The following IL23R variants were observed in gnomAD, a reference collection of about 807,000 sequenced individuals.
IL23R encodes interleukin 23 receptor.
In IL23R, 34 loss-of-function variants were observed where a neutral mutation model predicts 56.9. That is an observed-to-expected ratio of 0.60 (90% CI 0.45 to 0.80). The LOEUF (loss-of-function observed/expected upper bound fraction) is 0.80. Ranked by LOEUF, IL23R falls within the 30% of genes least tolerant of loss-of-function variation. IL23R has a pLI of 0.00. For missense variants in IL23R, 635 were observed against 730.0 expected, an observed-to-expected ratio of 0.87 and a Z score of 1.50; for synonymous variants, 230 against 249.2, an observed-to-expected ratio of 0.92 and a Z score of 0.73.
At chr1:67,262,458 C>T (rs1653226132), downstream of IL23R, among the ~76,000 whole-genome samples, 1 of 152,108 alleles carries the variant, frequency 6.6e-6, no homozygotes, top group South Asian at 2.1e-4. Context: ...CAGGAAAGAC[C>T]ACTCCCAGGA....
chr1:67,174,229 A>G (rs551551252), intron 3 of IL23R, among the ~76,000 whole-genome samples: 16 of 151,870 alleles, frequency 1.1e-4, no homozygotes, highest in Non-Finnish European at 2.1e-4. Context: ...TGTGATATGT[A>G]AAGTGCTCTC....
chr1:67,149,625 G>A (rs1646710865), intron 1 of IL23R, among the ~76,000 whole-genome samples: 1 of 152,088 alleles, frequency 6.6e-6, no homozygotes, highest in Non-Finnish European at 1.5e-5. Context: ...AAATCCCTGA[G>A]TGAGAACTAG....
At chr1:67,262,036 C>T (rs1478081794), downstream of IL23R, among the ~76,000 whole-genome samples, 2 of 152,204 alleles carry the variant, frequency 1.3e-5, no homozygotes, top group African/African-American at 4.8e-5. Flanking sequence ...AGCAATGTAC[C>T]TGCCTTTGTC....
rs202113325 is a variant in IL23R, at chr1:67,234,866, C to G, written c.956-1847C>G. Among the ~76,000 whole-genome samples the G allele has an allele frequency of 3.0e-4, 45 of 152,038 alleles. 1 individual carries two copies. In the East Asian group the frequency reaches 6.0e-3, roughly 20 times the overall value. ...GGGACTATAGGCACCTGCCACCATG[C>G]CTGGCTAATTTTTGTATTTTTAGTA... On this transcript the variant is annotated intron_variant, in intron 7 of 10. Coordinates refer to ENST00000347310, the MANE Select transcript of IL23R (RefSeq NM_144701.3).
intron 1 of IL23R, among the ~76,000 whole-genome samples, chr1:67,145,048 G>T (rs954469844): frequency 6.6e-6 from 1 of 152,124 alleles, no homozygotes; most frequent in African/African-American, 2.4e-5. Flanking sequence ...ATACTGAATT[G>T]TTTAAATATG....
chr1:67,157,195 C>A (rs1231351342), intron 1 of IL23R, among the ~76,000 whole-genome samples: 1 of 152,202 alleles, frequency 6.6e-6, no homozygotes, highest in Non-Finnish European at 1.5e-5. Flanking sequence ...CACCCGCCTT[C>A]TGCATTGGTC....
chr1:67,166,195 A>G (rs570840893), upstream of IL23R, among the ~76,000 whole-genome samples: 6 of 152,342 alleles, frequency 3.9e-5, no homozygotes, highest in African/African-American at 1.4e-4. Flanking sequence ...TGGTGTCAAA[A>G]TGTTTGACAT....
chr1:67,183,329 GT>G (rs1416848697), intron 4 of IL23R, among the ~76,000 whole-genome samples: 1 of 152,214 alleles, frequency 6.6e-6, no homozygotes, highest in Non-Finnish European at 1.5e-5. Context: ...GAGGTCAGGA[GT>G]TTGAGACCAG....
chr1:67,221,364 A>G (rs192370284), intron 7 of IL23R, among the ~76,000 whole-genome samples: 1 of 152,314 alleles, frequency 6.6e-6, no homozygotes, highest in Non-Finnish European at 1.5e-5. Flanking sequence ...GAGACACAAA[A>G]CAATCATATC....
chr1:67,139,880 A>T (rs1412633189), intron 1 of IL23R, among the ~76,000 whole-genome samples: 1 of 152,184 alleles, frequency 6.6e-6, no homozygotes, highest in Admixed American at 6.5e-5. Flanking sequence ...ATAAGGGCAG[A>T]GCCCTTATGA....
chr1:67,140,216 A>C (rs1646623449), intron 1 of IL23R, among the ~76,000 whole-genome samples: 1 of 152,262 alleles, frequency 6.6e-6, no homozygotes, highest in African/African-American at 2.4e-5. Flanking sequence ...CTTACTATGC[A>C]TGCAAAAGCA....
At chr1:67,167,014 T>TA (rs1488701314) in intron 1 of IL23R, among the ~76,000 whole-genome samples, 2 of 152,236 alleles carry the variant, frequency 1.3e-5, no homozygotes, top group Non-Finnish European at 2.9e-5. Context: ...TCAAATAGTG[T>TA]AACTCTAGTT....
intron 7 of IL23R, among the ~76,000 whole-genome samples, chr1:67,222,974 C>T (rs1224489810): frequency 1.3e-5 from 2 of 152,098 alleles, no homozygotes; most frequent in African/African-American, 4.8e-5. Context: ...AAAGTCTTGG[C>T]GAGGTGTGGT....
intron 4 of IL23R, among the ~76,000 whole-genome samples, chr1:67,195,438 AC>A (rs1455652967): frequency 6.6e-5 from 10 of 152,310 alleles, no homozygotes; most frequent in Non-Finnish European, 5.9e-5. Flanking sequence ...GATAACAACA[AC>A]GTTATCATTC....
intron 4 of IL23R, among the ~76,000 whole-genome samples, chr1:67,184,319 G>A (rs1290030731): frequency 6.6e-6 from 1 of 152,022 alleles, no homozygotes; most frequent in Non-Finnish European, 1.5e-5. Flanking sequence ...GCTGAGGTGG[G>A]TGCATCACCT....
chr1:67,206,790 T>G (rs1329765865), intron 5 of IL23R, 120 bp from the exon 6 acceptor site: 1 of 1,121,904 alleles, frequency 8.9e-7, no homozygotes, highest in Non-Finnish European at 1.3e-6. Flanking sequence ...CATTAGACCA[T>G]GAATTTTATT....
At chr1:67,203,052 G>C (rs1648751694) in intron 5 of IL23R, among the ~76,000 whole-genome samples, 2 of 152,084 alleles carry the variant, frequency 1.3e-5, no homozygotes, top group African/African-American at 4.8e-5. Context: ...AATTAATGAT[G>C]TTTAAGAGCT....
chr1:67,248,672 C>A (rs1652406101), intron 9 of IL23R, among the ~76,000 whole-genome samples: 1 of 152,142 alleles, frequency 6.6e-6, no homozygotes, highest in East Asian at 1.9e-4. Flanking sequence ...GAGTTGTGAT[C>A]CTTTGGAGGG....
chr1:67,221,086 G>A (rs548276018), intron 7 of IL23R, among the ~76,000 whole-genome samples: 4 of 152,112 alleles, frequency 2.6e-5, no homozygotes, highest in East Asian at 1.9e-4. Context: ...TTTCAGAGGC[G>A]GAGGCAGTTG....
Sources: allele counts gnomAD v4.1 joint callset (sites outside exome capture counted in the v4.1 genomes callset), GRCh38; gene constraint gnomAD v4.1.1; transcripts MANE v1.5; gene names NCBI Gene and HGNC (gene_info 2026-07-23, HGNC 2026-07-21).